Variants in FAM117A observed in about 807,000 individuals in gnomAD.
FAM117A encodes the protein protein FAM117A.
Under a neutral mutation model 44.1 loss-of-function variants are expected in FAM117A, and 21 were observed. The ratio of observed to expected loss-of-function variants is 0.48; its 90% confidence interval spans 0.34 to 0.69. The LOEUF (loss-of-function observed/expected upper bound fraction) is 0.69, where lower values mean the gene tolerates loss of function less well. Ranked by LOEUF, FAM117A falls within the 30% of genes least tolerant of loss-of-function variation. FAM117A has a pLI of 0.01. For missense variants in FAM117A, 498 were observed against 589.9 expected (o/e 0.84, Z 1.61); for synonymous variants, 220 against 238.3 (o/e 0.92, Z 0.71).
intron 7 of FAM117A, 87 bp downstream of exon 7, chr17:49,716,078 A>C (rs956557698): frequency 1.4e-6 from 2 of 1,461,638 alleles, no homozygotes; most frequent in East Asian, 2.3e-5. Context: ...CAACACCTCT[A>C]TGACAAGAGA....
chr17:49,768,711 T>C (rs1450770249), upstream of FAM117A, among the ~76,000 whole-genome samples: 4 of 152,130 alleles, frequency 2.6e-5, no homozygotes, highest in Admixed American at 2.6e-4. Flanking sequence ...AATGAGGTTA[T>C]GGGAACAGAG....
chr17:49,770,234 C>A (rs141204836), intron 1 of FAM117A, among the ~76,000 whole-genome samples: 2 of 139,218 alleles, frequency 1.4e-5, no homozygotes, highest in East Asian at 4.4e-4. Flanking sequence ...CGCGCCACTG[C>A]ACTCCAGCCT....
intron 1 of FAM117A, among the ~76,000 whole-genome samples, chr17:49,781,766 CAA>C (rs1475402306): frequency 6.6e-6 from 1 of 151,974 alleles, no homozygotes; most frequent in Non-Finnish European, 1.5e-5. Context: ...CCCTTGAGCT[CAA>C]GAGTTTGAGA....
intron 2 of FAM117A, among the ~76,000 whole-genome samples, chr17:49,727,434 T>C (rs1250559848): frequency 6.6e-6 from 1 of 152,062 alleles, no homozygotes; most frequent in Non-Finnish European, 1.5e-5. Context: ...CAAAAAGTTG[T>C]TTGTCAGGGG....
At chr17:49,754,702 A>C (rs1458095817) in intron 1 of FAM117A, among the ~76,000 whole-genome samples, 1 of 151,890 alleles carries the variant, frequency 6.6e-6, no homozygotes, top group African/African-American at 2.4e-5. Flanking sequence ...TCCCAATCAC[A>C]TTTTCACTCT....
At chr17:49,773,365 G>C (rs547762062) in intron 1 of FAM117A, 2 of 150,702 alleles carry the variant, frequency 1.3e-5, no homozygotes, top group South Asian at 4.2e-4. Context: ...TACTCAGGAG[G>C]CTGAGGCAGG....
chr17:49,722,093 TC>T (rs978026820), intron 3 of FAM117A, among the ~76,000 whole-genome samples: 10 of 152,102 alleles, frequency 6.6e-5, no homozygotes, highest in Non-Finnish European at 1.3e-4. Context: ...AGACTCTGTT[TC>T]CAAAAACAAA....
At chr17:49,733,297 A>G (rs950795902) in intron 1 of FAM117A, among the ~76,000 whole-genome samples, 5 of 152,238 alleles carry the variant, frequency 3.3e-5, no homozygotes, top group African/African-American at 9.6e-5. Context: ...GGATTGAGGA[A>G]TCTAGTTTAC....
chr17:49,718,456 C>T (rs904689213), intron 5 of FAM117A, among the ~76,000 whole-genome samples: 1 of 151,634 alleles, frequency 6.6e-6, no homozygotes, highest in African/African-American at 2.4e-5. Flanking sequence ...ATCACGAGGT[C>T]GGGATATAGA....
intron 7 of FAM117A, among the ~76,000 whole-genome samples, chr17:49,712,078 G>A (rs887257905): frequency 1.3e-5 from 2 of 152,184 alleles, no homozygotes; most frequent in East Asian, 1.9e-4. Flanking sequence ...CCTGGGAGGC[G>A]GAGGTTGCAG....
chr17:49,773,601 C>T (rs2073767745), intron 1 of FAM117A: 1 of 152,122 alleles, frequency 6.6e-6, no homozygotes, highest in Admixed American at 6.6e-5. Flanking sequence ...ATCACCCTGC[C>T]CTGCAACTCC....
intron 5 of FAM117A, 103 bp downstream of exon 5, chr17:49,719,657 G>C (rs373298704): frequency 7.3e-7 from 1 of 1,362,394 alleles, no homozygotes; most frequent in Non-Finnish European, 9.8e-7. Context: ...TGTTTGCGTA[G>C]CCATAGCCTG....
chr17:49,736,953 A>T (rs533970869), intron 1 of FAM117A, among the ~76,000 whole-genome samples: 1 of 152,372 alleles, frequency 6.6e-6, no homozygotes, highest in Non-Finnish European at 1.5e-5. Flanking sequence ...TCTAAAGCAT[A>T]GGGCTGGCAA....
intron 1 of FAM117A, among the ~76,000 whole-genome samples, chr17:49,779,130 A>G (rs1346554148): frequency 6.6e-6 from 1 of 152,340 alleles, no homozygotes; most frequent in East Asian, 1.9e-4. Flanking sequence ...GGCACTGAGA[A>G]GGAAGCAGGT....
chr17:49,724,363 T>G, intron 2 of FAM117A: 1 of 456,250 alleles, frequency 2.2e-6, no homozygotes, highest in South Asian at 1.5e-5. Flanking sequence ...TTCTGCCCAT[T>G]TCCCTTCCTC....
chr17:49,760,121 G>A (rs1454863074), intron 1 of FAM117A, among the ~76,000 whole-genome samples: 1 of 152,152 alleles, frequency 6.6e-6, no homozygotes, highest in African/African-American at 2.4e-5. Context: ...CCTGACAATG[G>A]TGGGGGTGGA....
At position 49,750,049 on chromosome 17, in the gene FAM117A, A is replaced by G. The variant is rs773589300; in HGVS notation, c.196+13843T>C. Among the ~76,000 whole-genome samples the G allele has an allele frequency of 5.4e-5, 8 of 148,926 alleles. 1 individual carries two copies. Among genetic ancestry groups the G allele is most frequent in the Non-Finnish European group, 1.5e-5 (1 of 66,102 alleles). On this transcript the variant is annotated intron_variant, in intron 1 of 7. Transcript: ENST00000240364. ...TCCAGAGAACTCCTAGTGCAGTCAAATTAGTCTCACATATATCCATGTGTT... is the reference window on the plus strand; with the variant it reads ...TCCAGAGAACTCCTAGTGCAGTCAAGTTAGTCTCACATATATCCATGTGTT...
At chr17:49,735,468 T>C (rs1014333628) in intron 1 of FAM117A, among the ~76,000 whole-genome samples, 6 of 152,232 alleles carry the variant, frequency 3.9e-5, no homozygotes, top group East Asian at 1.9e-4. Context: ...GCCATAGTTG[T>C]AATCAGTAGG....
At chr17:49,781,842 T>C (rs1380451611) in intron 1 of FAM117A, among the ~76,000 whole-genome samples, 1 of 152,048 alleles carries the variant, frequency 6.6e-6, no homozygotes, top group Admixed American at 6.6e-5. Flanking sequence ...CGGGGTATGG[T>C]GGCATGTGCC....
Sources: allele counts gnomAD v4.1 joint callset (sites outside exome capture counted in the v4.1 genomes callset), GRCh38; gene constraint gnomAD v4.1.1; transcripts MANE v1.5; gene names NCBI Gene and HGNC (gene_info 2026-07-23, HGNC 2026-07-21).